WNK2: variants seen among roughly 807,000 people sequenced by gnomAD.
WNK2 encodes the protein serine/threonine-protein kinase WNK2.
WNK2 carries 67 observed loss-of-function variants against 192.1 expected under a neutral mutation model. The ratio of observed to expected loss-of-function variants is 0.35; its 90% CI spans 0.29 to 0.43. The LOEUF (loss-of-function observed/expected upper bound fraction) is 0.43, where lower values mean the gene tolerates loss of function less well. Ranked by LOEUF, WNK2 falls within the 20% of genes least tolerant of loss-of-function variation. The pLI, the probability that WNK2 is intolerant of heterozygous loss-of-function variation, is 1.00. For missense variants in WNK2, 2,698 were observed against 3,089.7 expected (o/e 0.87, Z 3.01); for synonymous variants, 1,439 against 1,393.9 (o/e 1.03, Z -0.72).
Position 93,258,942 on chromosome 9 carries a change from T to C in WNK2, c.2394T>C (p.Ile798=), listed in dbSNP as rs1430134543. Reference sequence around the variant, plus strand: ...TGTGTCTCTTTCAGATGCCCCCGATTCCTGTTGTGCCCCCCATCACGCCCC... The same window carrying C: ...TGTGTCTCTTTCAGATGCCCCCGATCCCTGTTGTGCCCCCCATCACGCCCC... The part of the protein sequence containing the change: ...LAQVPPQMPP[I]PVVPPITPLA... Residue 798 remains isoleucine (I), a synonymous_variant, in exon 12 of 30, where the codon ATT becomes ATC. Coordinates refer to ENST00000427277, the MANE Select transcript of WNK2 (RefSeq NM_006648.4). The C allele has an allele frequency of 3.7e-6, 6 of 1,611,930 alleles. No individual in the cohort carries two copies. Among genetic ancestry groups the C allele is most frequent in the Non-Finnish European group, 5.1e-6 (6 of 1,179,132 alleles).
At chr9:93,250,762 G>A (rs1226096701) in intron 8 of WNK2, among the ~76,000 whole-genome samples, 3 of 148,318 alleles carry the variant, frequency 2.0e-5, no homozygotes, top group African/African-American at 5.0e-5. Flanking sequence ...GTTTAATTGT[G>A]TAATTAATGA....
chr9:93,187,481 C>G (rs972950124), intron 2 of WNK2, among the ~76,000 whole-genome samples: 6 of 152,156 alleles, frequency 3.9e-5, no homozygotes, highest in Non-Finnish European at 5.9e-5. Context: ...ACATTTGTCC[C>G]TAGTCGATGT....
chr9:93,187,663 C>T (rs903910659), intron 2 of WNK2, among the ~76,000 whole-genome samples: 1 of 152,116 alleles, frequency 6.6e-6, no homozygotes, highest in Non-Finnish European at 1.5e-5. Flanking sequence ...CCCCCAAGGT[C>T]ACCAGTGAGG....
At chr9:93,249,854 C>T (rs192879879) in intron 8 of WNK2, among the ~76,000 whole-genome samples, 58 of 149,444 alleles carry the variant, frequency 3.9e-4, no homozygotes, top group Admixed American at 2.1e-3. Context: ...TCAAAAAGGC[C>T]GGGAGGTAGC....
At chr9:93,190,328 G>C (rs1271413796) in intron 2 of WNK2, among the ~76,000 whole-genome samples, 1 of 152,214 alleles carries the variant, frequency 6.6e-6, no homozygotes, top group Non-Finnish European at 1.5e-5. Context: ...CCGTCATGGG[G>C]GACACATTGA....
At chr9:93,294,511 A>T (rs1357816092) in intron 23 of WNK2, among the ~76,000 whole-genome samples, 1 of 152,164 alleles carries the variant, frequency 6.6e-6, no homozygotes, top group East Asian at 1.9e-4. Flanking sequence ...CTCAGCAGGA[A>T]TGTCATCCTG....
At chr9:93,313,894 G>A (rs1254511163) in intron 28 of WNK2, among the ~76,000 whole-genome samples, 1 of 152,172 alleles carries the variant, frequency 6.6e-6, no homozygotes, top group Non-Finnish European at 1.5e-5. Flanking sequence ...TAGGGAGGCT[G>A]AGGCAGGTGG....
At position 93,262,032 on chromosome 9, in the gene WNK2, C is replaced by T; in HGVS notation, c.3285C>T (p.Asn1095=). ...CTGCCACACTTCTGCCACCAGCAAA[C>T]CCACCGCTGCCTGGCGGGCCCGGGA... ...TQTATLLPPA[N]PPLPGGPGIA... Residue 1095 remains asparagine (N), a synonymous_variant, in exon 13 of 30, where the codon AAC becomes AAT. Transcript: ENST00000427277. 1.2e-6 allele frequency: 2 copies of T among 1,610,946 alleles called. No homozygotes were observed. The highest frequency in any genetic ancestry group is 1.1e-5 in the South Asian group (1 of 90,970).
chr9:93,201,620 C>T (rs1336068968), intron 2 of WNK2, among the ~76,000 whole-genome samples: 1 of 152,210 alleles, frequency 6.6e-6, no homozygotes, highest in African/African-American at 2.4e-5. Flanking sequence ...AGGTCCTGCC[C>T]TGCAGGAGGC....
At chr9:93,317,493 T>C in intron 28 of WNK2, 27 bp from the exon 29 acceptor site, 2 of 1,611,436 alleles carry the variant, frequency 1.2e-6, no homozygotes, top group South Asian at 2.2e-5. Flanking sequence ...ACGTGTACCT[T>C]CCTCTTCTCG....
chr9:93,251,906 T>C (rs1346245283), intron 8 of WNK2, among the ~76,000 whole-genome samples: 3 of 152,180 alleles, frequency 2.0e-5, no homozygotes, highest in South Asian at 2.1e-4. Context: ...GCATTTCTTA[T>C]GTCTTCCTAG....
intron 23 of WNK2, among the ~76,000 whole-genome samples, chr9:93,295,804 C>T (rs976736947): frequency 1.4e-5 from 2 of 147,632 alleles, no homozygotes; most frequent in East Asian, 4.1e-4. Context: ...CTCCAGCTTC[C>T]CCTCACTTTC....
chr9:93,261,866 C>G lies in WNK2; in HGVS notation c.3119C>G (p.Pro1040Arg), dbSNP rs776176292. The change falls in exon 13 of 30, where the codon CCC becomes CGC. Residue 1040 changes from proline to arginine, a missense_variant. By Grantham distance (103) the Pro-to-Arg change is moderately radical (BLOSUM62 -2). This residue lies in a region of WNK2 where 893 missense variants were observed against 909.0 expected (regional missense o/e 0.98). Coordinates refer to ENST00000427277, the MANE Select transcript of WNK2 (RefSeq NM_006648.4). ...GCTGTGGACGTCGCCGCTCAGGTCC[C>G]CACCGTGCCTGTGCCACCGGCTGCG... ...PYAVDVAAQV[P>R]TVPVPPAAVL... 7 of 1,600,478 alleles carry G rather than the reference C, an allele frequency of 4.4e-6. No homozygotes were observed. In the East Asian group the frequency reaches 1.1e-4, roughly 25 times the overall value.
chr9:93,211,957 T>C (rs1241234175), intron 2 of WNK2, among the ~76,000 whole-genome samples: 2 of 151,438 alleles, frequency 1.3e-5, no homozygotes, highest in Non-Finnish European at 2.9e-5. Flanking sequence ...CACTCACTCA[T>C]ACATTCACTC....
At chr9:93,210,106 G>A (rs1481103404) in intron 2 of WNK2, among the ~76,000 whole-genome samples, 1 of 152,182 alleles carries the variant, frequency 6.6e-6, no homozygotes, top group Non-Finnish European at 1.5e-5. Flanking sequence ...TGGGTGAGCA[G>A]GGCCCATGGC....
chr9:93,255,895 G>T (rs984254140), intron 9 of WNK2, among the ~76,000 whole-genome samples: 2 of 152,174 alleles, frequency 1.3e-5, no homozygotes, highest in African/African-American at 4.8e-5. Context: ...CTCACATGCT[G>T]TTCCAGGGCC....
At chr9:93,219,751 G>A (rs764944805) in intron 2 of WNK2, among the ~76,000 whole-genome samples, 1 of 152,232 alleles carries the variant, frequency 6.6e-6, no homozygotes, top group Non-Finnish European at 1.5e-5. Flanking sequence ...ACATTTATTT[G>A]GAAATAAAAC....
At position 93,259,482 on chromosome 9, in the gene WNK2, T is replaced by C. The variant is rs1421061148; in HGVS notation, c.2934T>C (p.Pro978=). 7 of 932,856 alleles carry C rather than the reference T, an allele frequency of 7.5e-6. No homozygotes were observed. The African/African-American group carries it at 1.8e-4, about 24-fold the overall frequency. The allele number at this position is 932,856 out of a possible 1,614,324, so 57.8% of individuals were successfully genotyped here. A position where few individuals can be genotyped will look rare whatever the true frequency, so the allele number is the denominator to read the frequency against. ...LPPQPTRPPQ[P]VLPPQPMLPP... is the part of the protein sequence containing the mutation. ...CGCAACCCACACGGCCCCCTCAACC[T>C]GTGCTGCCCCCGCAACCCATGCTGC... The change falls in exon 12 of 30, where the codon CCT becomes CCC. Residue 978 remains proline, a synonymous_variant. Coordinates refer to ENST00000427277, the MANE Select transcript of WNK2 (RefSeq NM_006648.4). This position sits in a 1 kb window ranked among gnomAD's most constrained non-coding sequence, Gnocchi z 4.8.
intron 8 of WNK2, among the ~76,000 whole-genome samples, chr9:93,250,348 CCTG>C (rs1374890584): frequency 6.6e-6 from 1 of 152,226 alleles, no homozygotes; most frequent in Non-Finnish European, 1.5e-5. Context: ...AACACATTCA[CCTG>C]CACACATACA....
Sources: gnomAD v4.1 joint callset for allele counts (sites outside exome capture counted in the v4.1 genomes callset) on GRCh38, gnomAD v4.1.1 for gene constraint, gnomAD v4.1.1 regional missense constraint, Gnocchi (gnomAD v3.1) non-coding constraint, MANE v1.5 for transcripts, NCBI Gene and HGNC (gene_info 2026-07-23, HGNC 2026-07-21) for gene names.